Variants in PDZD2 observed in about 807,000 individuals in gnomAD.
PDZD2 encodes PDZ domain-containing protein 2.
A neutral mutation model predicts 220.7 loss-of-function variants in PDZD2; 90 were observed. The ratio of observed to expected loss-of-function variants is 0.41; its 90% CI spans 0.34 to 0.49. PDZD2 has a LOEUF of 0.49. PDZD2 is among the 20% of genes least tolerant of loss of function. The pLI is 0.28. For synonymous variants in PDZD2, 1,375 were observed against 1,450.5 expected (o/e 0.95, Z 1.18); for missense variants, 3,174 against 3,608.5 (o/e 0.88, Z 3.08).
At chr5:31,868,155 G>A (rs1738399412) in intron 2 of PDZD2, among the ~76,000 whole-genome samples, 1 of 152,058 alleles carries the variant, frequency 6.6e-6, no homozygotes, top group South Asian at 2.1e-4. Context: ...TGTTCTAAAA[G>A]CAGCTGTTGG....
rs1300526743 is a variant in PDZD2, at chr5:31,811,928, T to A, written c.476+12204T>A. 2.0e-5 allele frequency among the ~76,000 whole-genome samples: 3 copies of A among 152,010 alleles called. No individual in the cohort carries two copies. The East Asian group carries it at 5.8e-4, about 29-fold the overall frequency. On this transcript the variant is annotated intron_variant, in intron 2 of 24. Transcript: ENST00000438447. ...TTGCTTGAACCCAAGAGGTGGAAGT[T>A]GCAGTGAGCTGAGATCGTGCCACTG...
At chr5:31,993,668 A>T (rs969642597) in intron 3 of PDZD2, among the ~76,000 whole-genome samples, 1 of 152,088 alleles carries the variant, frequency 6.6e-6, no homozygotes, top group African/African-American at 2.4e-5. Flanking sequence ...TTAAAAGCAG[A>T]TGGCTTTTGT....
At chr5:32,086,843 A>ATTT (rs10710224) in intron 19 of PDZD2, among the ~76,000 whole-genome samples, 7,187 of 85,110 alleles carry the variant, frequency 0.084, 380 homozygotes, top group East Asian at 0.22. Context: ...TGCCCAGCTA[A>ATTT]TTTTTTTTTT....
In PDZD2 at chr5:31,796,503, C is replaced by T. The variant is rs116199624; in HGVS notation, c.-360-2386C>T. Among the ~76,000 whole-genome samples, 432 of 152,222 alleles carry T rather than the reference C, an allele frequency of 2.8e-3. 4 individuals are homozygous for T. Among genetic ancestry groups the T allele is most frequent in the Middle Eastern group, 6.8e-3 (2 of 294 alleles). On this transcript the variant is annotated intron_variant, in intron 1 of 24. Coordinates refer to ENST00000438447, the MANE Select transcript of PDZD2 (RefSeq NM_178140.4). ...GTTCGTTAGTTCAAAAGCTATGACT[C>T]CTGCCACAGGGTAGAAACTAGGACT...
At chr5:31,809,533 G>T (rs1754963998) in intron 2 of PDZD2, among the ~76,000 whole-genome samples, 1 of 152,160 alleles carries the variant, frequency 6.6e-6, no homozygotes, top group Non-Finnish European at 1.5e-5. Flanking sequence ...AAATCCGCCT[G>T]TGCTCAGCTC....
chr5:31,919,056 T>G (rs1375997486), intron 2 of PDZD2, among the ~76,000 whole-genome samples: 3 of 152,202 alleles, frequency 2.0e-5, no homozygotes. Flanking sequence ...ATGTATAATT[T>G]GGTTAGTGAT....
At chr5:31,825,223 A>G (rs1756139646) in intron 2 of PDZD2, among the ~76,000 whole-genome samples, 1 of 152,224 alleles carries the variant, frequency 6.6e-6, no homozygotes, top group South Asian at 2.1e-4. Flanking sequence ...ACCAAACGGA[A>G]CCACATCTGG....
chr5:31,799,345 C>T lies in PDZD2; in HGVS notation c.97C>T (p.Arg33Trp), dbSNP rs866540413. The change falls in exon 2 of 25, where the codon CGG (arginine) becomes TGG (tryptophan). Residue 33 changes from arginine to tryptophan, a missense_variant. Coordinates refer to ENST00000438447, the MANE Select transcript of PDZD2 (RefSeq NM_178140.4). ...GGAAGGTGGGGATGGGCCGGAGCAG[C>T]GGCTCTGCCAGGCGGCCATCCAGAA... is the stretch of plus-strand genomic sequence containing the variant. The part of the protein sequence containing the change: ...LQEGGDGPEQ[R>W]LCQAAIQKLQ... The T allele has an allele frequency of 4.3e-6, 7 of 1,614,028 alleles. No homozygotes were observed. Among genetic ancestry groups the T allele is most frequent in the African/African-American group, 1.3e-5 (1 of 74,944 alleles).
intron 2 of PDZD2, among the ~76,000 whole-genome samples, chr5:31,971,875 A>G (rs931276994): frequency 6.6e-6 from 1 of 152,064 alleles, no homozygotes; most frequent in Non-Finnish European, 1.5e-5. Context: ...CTCACTCACT[A>G]CTTTTCAGCC....
intron 1 of PDZD2, among the ~76,000 whole-genome samples, chr5:31,649,496 A>C (rs1330444788): frequency 2.6e-5 from 4 of 151,938 alleles, no homozygotes; most frequent in African/African-American, 9.7e-5. Flanking sequence ...TTTGAAATAA[A>C]ATATTTGATT....
intron 1 of PDZD2, among the ~76,000 whole-genome samples, chr5:31,658,035 G>T (rs930609150): frequency 2.0e-5 from 3 of 152,068 alleles, no homozygotes; most frequent in Admixed American, 6.5e-5. Flanking sequence ...TCAACCACTG[G>T]CATTTTCTGC....
At chr5:31,712,316 C>T (rs907399962) in intron 1 of PDZD2, among the ~76,000 whole-genome samples, 4 of 152,146 alleles carry the variant, frequency 2.6e-5, no homozygotes, top group African/African-American at 7.2e-5. Context: ...CTGCCTCACA[C>T]GGCGTTGACT....
At chr5:32,079,502 C>T (rs1002463486) in intron 19 of PDZD2, among the ~76,000 whole-genome samples, 3 of 151,696 alleles carry the variant, frequency 2.0e-5, no homozygotes, top group Non-Finnish European at 4.4e-5. Flanking sequence ...CTTTTTAGGG[C>T]TGTCCTACAA....
At chr5:31,822,901 T>G in intron 2 of PDZD2, 1 of 853,548 alleles carries the variant, frequency 1.2e-6, no homozygotes, top group Non-Finnish European at 1.9e-6. Context: ...CTTGATCATG[T>G]TCTGTGCATA....
chr5:31,983,210 C>G lies in PDZD2; in HGVS notation c.532C>G (p.Arg178Gly), dbSNP rs567367777. The G allele has an allele frequency of 1.9e-6, 3 of 1,614,038 alleles. No individual in the cohort carries two copies. Among genetic ancestry groups the G allele is most frequent in the African/African-American group, 2.7e-5 (2 of 75,020 alleles). Reference protein sequence around the residue: ...GGFIYLIMLRRFKHKAHSTYN... With the variant: ...GGFIYLIMLRGFKHKAHSTYN... ...CTTTATCTACCTGATCATGCTGCGT[C>G]GCTTTAAGCACAAAGCCCACTCCAC... The change falls in exon 3 of 25, where the codon CGC (arginine) becomes GGC (glycine). Residue 178 changes from arginine to glycine, a missense_variant. Physicochemically the swap from Arg to Gly is moderately radical, Grantham distance 125. Coordinates refer to ENST00000438447, the MANE Select transcript of PDZD2 (RefSeq NM_178140.4).
chr5:31,712,237 A>G (rs1454550466), intron 1 of PDZD2: 3 of 152,282 alleles, frequency 2.0e-5, no homozygotes, highest in African/African-American at 7.2e-5. Context: ...GCGGCTGAAG[A>G]GAACAGTTAT....
At chr5:31,717,122 A>G (rs1340238866) in intron 1 of PDZD2, among the ~76,000 whole-genome samples, 2 of 152,216 alleles carry the variant, frequency 1.3e-5, no homozygotes, top group Non-Finnish European at 2.9e-5. Context: ...GAAAATTAAA[A>G]AAAAGAGTCA....
intron 15 of PDZD2, among the ~76,000 whole-genome samples, 187 bp from the exon 16 acceptor site, chr5:32,071,197 G>A (rs1740706014): frequency 6.6e-6 from 1 of 152,182 alleles, no homozygotes; most frequent in African/African-American, 2.4e-5. Flanking sequence ...TGGCAGATGG[G>A]ATGGGGATGA....
At position 32,071,615 on chromosome 5, in the gene PDZD2, A is replaced by G. The variant is rs140734414; in HGVS notation, c.2568+197A>G. Among the ~76,000 whole-genome samples, 1,499 of 152,328 alleles carry G rather than the reference A, an allele frequency of 9.8e-3. 9 individuals are homozygous for G. Among genetic ancestry groups the G allele is most frequent in the Admixed American group, 0.015 (228 of 15,306 alleles). On this transcript the variant is annotated intron_variant, in intron 16 of 24. Transcript: ENST00000438447. The stretch of plus-strand genomic sequence containing the variant: ...TGTTTCTTTTGCTAAACACTTATCC[A>G]GGAAAAGAACAGAGCAACAAAATAA...
Sources: allele counts gnomAD v4.1 joint callset (sites outside exome capture counted in the v4.1 genomes callset), GRCh38; gene constraint gnomAD v4.1.1; transcripts MANE v1.5; gene names NCBI Gene and HGNC (gene_info 2026-07-23, HGNC 2026-07-21).